CLIC5: variants seen among roughly 807,000 people sequenced by gnomAD.
The protein encoded by CLIC5 is chloride intracellular channel protein 5.
In CLIC5, 20 loss-of-function variants were observed where a neutral mutation model predicts 24.7. The ratio of observed to expected loss-of-function variants is 0.81; its 90% CI spans 0.57 to 1.18. The LOEUF is 1.18. Among genes scored for constraint, CLIC5 ranks in the 50% most tolerant of loss-of-function variants. CLIC5 has a pLI of 0.00. For synonymous variants in CLIC5, 159 were observed against 135.6 expected (o/e 1.17, Z -1.20); for missense variants, 341 against 326.1 (o/e 1.05, Z -0.35).
chr6:46,101,189 G>C, the CLIC5 span, among the ~76,000 whole-genome samples: 1 of 152,186 alleles, frequency 6.6e-6, no homozygotes, highest in African/African-American at 2.4e-5. Context: ...AGACTGCTCT[G>C]CTGCTTAGAA....
chr6:46,012,704 G>A (rs1308174299), intron 1 of CLIC5, among the ~76,000 whole-genome samples: 1 of 152,144 alleles, frequency 6.6e-6, no homozygotes, highest in African/African-American at 2.4e-5. Context: ...CTACCTTTGG[G>A]CATTTTACCT....
At position 45,899,408 on chromosome 6, in the gene CLIC5, C is replaced by CGG; in HGVS notation, c.*3679_*3680insCC. 1 of 152,360 alleles carries CGG rather than the reference C, an allele frequency of 6.6e-6. No homozygotes were observed. The highest frequency in any genetic ancestry group is 1.5e-5 in the Non-Finnish European group (1 of 68,042). The allele number at this position is 152,360 out of a possible 1,614,324, so 9.4% of individuals were successfully genotyped here. A position where few individuals can be genotyped will look rare whatever the true frequency, so the allele number is the denominator to read the frequency against. On this transcript the variant is annotated 3_prime_UTR_variant, in exon 6 of 6. Transcript: ENST00000339561. The stretch of plus-strand genomic sequence containing the variant: ...ATTCACCGTGCAGTTGAGATGGCCC[C>CGG]TGGCCAGTGGGAATTGAGGCGAGTC...
chr6:45,900,625 T>C lies in CLIC5; in HGVS notation c.*2463A>G, dbSNP rs990757645. 1.3e-5 allele frequency: 2 copies of C among 152,006 alleles called. No individual in the cohort carries two copies. Among genetic ancestry groups the C allele is most frequent in the Non-Finnish European group, 2.9e-5 (2 of 68,000 alleles). 9.4% of individuals were successfully genotyped at this position (152,006 alleles called of 1,614,324 possible). On this transcript the variant is annotated 3_prime_UTR_variant, in exon 6 of 6. Transcript: ENST00000339561. ...GACACCATAACTAACTCTTAGTCCA[T>C]AGTCACTTGCATTATATGATAATCC... is the stretch of plus-strand genomic sequence containing the variant.
chr6:46,099,295 T>C, the CLIC5 span, among the ~76,000 whole-genome samples: 1 of 152,036 alleles, frequency 6.6e-6, no homozygotes, highest in Non-Finnish European at 1.5e-5. Flanking sequence ...CCAGACCGAG[T>C]TTTCAGGAAT....
rs116114126 is a variant in CLIC5 at position 45,962,326 on chromosome 6, C to T, written c.64-7082G>A. ...AGGGTAGGCCAGCAGGCTGAAGCCC[C>T]GGGGAAGAGCCGCAGTTCGAGTCCA... On this transcript the variant is annotated intron_variant, in intron 1 of 5. Transcript: ENST00000339561. Among the ~76,000 whole-genome samples, 513 of 151,772 alleles carry T rather than the reference C, an allele frequency of 3.4e-3. 3 individuals are homozygous for T. The highest frequency in any genetic ancestry group is 0.015 in the South Asian group (71 of 4,800).
intron 4 of CLIC5, among the ~76,000 whole-genome samples, chr6:45,935,933 A>AAAC (rs199813974): frequency 0.021 from 3,159 of 152,122 alleles, 120 homozygotes; most frequent in African/African-American, 0.072. Context: ...CACTCTTTTA[A>AAAC]AACAACAACA....
intron 1 of CLIC5, among the ~76,000 whole-genome samples, chr6:45,970,130 T>C (rs1765149607): frequency 6.6e-6 from 1 of 152,202 alleles, no homozygotes; most frequent in African/African-American, 2.4e-5. Context: ...GAGAAAGTCC[T>C]TCTCTGCCAC....
At chr6:45,907,354 C>G (rs1007066754) in intron 5 of CLIC5, among the ~76,000 whole-genome samples, 1 of 152,134 alleles carries the variant, frequency 6.6e-6, no homozygotes, top group African/African-American at 2.4e-5. Flanking sequence ...GTTGAACCAA[C>G]CATGCATCCT....
chr6:45,941,469 G>T, intron 4 of CLIC5, 78 bp downstream of exon 4: 1 of 1,096,794 alleles, frequency 9.1e-7, no homozygotes, highest in Non-Finnish European at 1.4e-6. Context: ...TATTTGACAT[G>T]CCTATGGGCA....
At chr6:46,095,514 C>T in the CLIC5 span, among the ~76,000 whole-genome samples, 2 of 152,118 alleles carry the variant, frequency 1.3e-5, no homozygotes, top group Non-Finnish European at 2.9e-5. Context: ...TGCCAGATAC[C>T]CTAAATCATC....
intron 3 of CLIC5, among the ~76,000 whole-genome samples, chr6:45,943,142 G>T (rs986339296): frequency 1.3e-5 from 2 of 152,230 alleles, no homozygotes; most frequent in African/African-American, 4.8e-5. Flanking sequence ...GGAAACGGTG[G>T]CATAGAGAGG....
At chr6:46,106,952 G>A in the CLIC5 span, among the ~76,000 whole-genome samples, 2 of 152,140 alleles carry the variant, frequency 1.3e-5, no homozygotes, top group African/African-American at 4.8e-5. Flanking sequence ...TAAAGTCAAA[G>A]CTATAAAGTC....
intron 6 of CLIC5, among the ~76,000 whole-genome samples, chr6:45,890,475 G>T (rs6942143): frequency 0.52 from 78,912 of 152,004 alleles, 21,260 homozygotes; most frequent in African/African-American, 0.67. Context: ...TATTGTAAAT[G>T]AGCACAGCCA....
At chr6:45,912,648 C>T (rs944190208) in intron 5 of CLIC5, 311 of 1,527,896 alleles carry the variant, frequency 2.0e-4, no homozygotes, top group Non-Finnish European at 2.3e-4. Context: ...AATACAGGAC[C>T]GGAACTCGGG....
intron 4 of CLIC5, among the ~76,000 whole-genome samples, chr6:45,923,158 T>G (rs1217078504): frequency 6.6e-6 from 1 of 152,210 alleles, no homozygotes; most frequent in Admixed American, 6.5e-5. Flanking sequence ...TTAATGCTGA[T>G]TGTAGTTTAT....
intron 6 of CLIC5, among the ~76,000 whole-genome samples, chr6:45,886,206 T>C (rs979927578): frequency 6.6e-6 from 1 of 152,092 alleles, no homozygotes; most frequent in Non-Finnish European, 1.5e-5. Context: ...TACCACGTGG[T>C]GCGAAGGAGC....
intron 6 of CLIC5, among the ~76,000 whole-genome samples, chr6:45,889,594 A>G (rs935633388): frequency 1.3e-5 from 2 of 152,198 alleles, no homozygotes; most frequent in African/African-American, 4.8e-5. Flanking sequence ...AGTACAAGAA[A>G]CAAATAAAGT....
At chr6:45,903,279 A>G (rs1762559990) in intron 5 of CLIC5, 24 bp from the exon 6 acceptor site, 3 of 1,559,418 alleles carry the variant, frequency 1.9e-6, no homozygotes, top group Non-Finnish European at 2.6e-6. Flanking sequence ...GGCAGGACAG[A>G]GGTGGTGTGA....
chr6:45,935,547 G>C (rs1307943106), intron 4 of CLIC5, among the ~76,000 whole-genome samples: 1 of 152,240 alleles, frequency 6.6e-6, no homozygotes, highest in East Asian at 1.9e-4. Context: ...TCTAAACCCA[G>C]GGCATAACTT....
Sources: gnomAD v4.1 joint callset for allele counts (sites outside exome capture counted in the v4.1 genomes callset) on GRCh38, gnomAD v4.1.1 for gene constraint, MANE v1.5 for transcripts, NCBI Gene and HGNC (gene_info 2026-07-23, HGNC 2026-07-21) for gene names.